THSD7B: variants seen among roughly 807,000 people sequenced by gnomAD.
The protein encoded by THSD7B is thrombospondin type-1 domain-containing protein 7B.
THSD7B carries 138 observed loss-of-function variants against 213.6 expected under a neutral mutation model. The observed-to-expected ratio is 0.65, with a 90% CI of 0.56 to 0.74. THSD7B has a LOEUF of 0.74. Among genes scored for constraint, THSD7B ranks in the 30% least tolerant of loss-of-function variants. THSD7B has a pLI of 0.00. For synonymous variants in THSD7B, 742 were observed against 687.0 expected (o/e 1.08, Z -1.25); for missense variants, 1,931 against 1,991.5 (o/e 0.97, Z 0.58).
chr2:137,448,105 A>T (rs1687576268), intron 14 of THSD7B, among the ~76,000 whole-genome samples: 1 of 152,224 alleles, frequency 6.6e-6, no homozygotes, highest in Non-Finnish European at 1.5e-5. Context: ...AATCAGAGTG[A>T]GAAGAAAACT....
intron 12 of THSD7B, among the ~76,000 whole-genome samples, chr2:137,306,577 C>T (rs1043752665): frequency 1.3e-5 from 2 of 152,040 alleles, no homozygotes; most frequent in East Asian, 3.8e-4. Flanking sequence ...ATTTTTTGCT[C>T]TATACCTAAT....
Position 136,895,540 on chromosome 2 carries a change from T to A in THSD7B, c.139+13223T>A, listed in dbSNP as rs200653565. Among the ~76,000 whole-genome samples, 892 of 144,350 alleles carry A rather than the reference T, an allele frequency of 6.2e-3. 20 individuals are homozygous for A. Among genetic ancestry groups the A allele is most frequent in the East Asian group, 0.033 (144 of 4,330 alleles). 94.7% of individuals were successfully genotyped at this position (144,350 alleles called of 152,430 possible). On this transcript the variant is annotated intron_variant, in intron 2 of 27. Transcript: ENST00000409968. ...TTTTTTTTTTTTTTTTTTTTTTTTT[T>A]ACAGAATTCCATGCTATTACAATAC...
intron 15 of THSD7B, among the ~76,000 whole-genome samples, chr2:137,553,220 C>G (rs1363750529): frequency 6.6e-6 from 1 of 152,122 alleles, no homozygotes; most frequent in Admixed American, 6.6e-5. Flanking sequence ...AGACATCTAC[C>G]TGGGTCTTGA....
intron 2 of THSD7B, among the ~76,000 whole-genome samples, chr2:136,910,249 A>T (rs774795715): frequency 2.6e-5 from 4 of 152,006 alleles, no homozygotes; most frequent in Non-Finnish European, 5.9e-5. Flanking sequence ...TGGAGCCAAG[A>T]GGGAATGAAA....
intron 14 of THSD7B, among the ~76,000 whole-genome samples, chr2:137,415,337 A>G (rs1259996706): frequency 6.6e-6 from 1 of 152,212 alleles, no homozygotes; most frequent in Non-Finnish European, 1.5e-5. Context: ...TGAGTTATCC[A>G]TACTAATGGA....
At chr2:137,466,778 A>G (rs1363026945) in intron 15 of THSD7B, among the ~76,000 whole-genome samples, 2 of 152,162 alleles carry the variant, frequency 1.3e-5, no homozygotes, top group African/African-American at 2.4e-5. Context: ...GCATTACTTC[A>G]TATAGCAAGA....
At chr2:137,034,992 C>G (rs1201167478) in intron 2 of THSD7B, among the ~76,000 whole-genome samples, 4 of 152,128 alleles carry the variant, frequency 2.6e-5, no homozygotes, top group Non-Finnish European at 1.5e-5. Flanking sequence ...ATTTGTGGTT[C>G]TAGATCCCTG....
intron 1 of THSD7B, among the ~76,000 whole-genome samples, chr2:136,815,086 G>C (rs1215272521): frequency 6.6e-6 from 1 of 152,184 alleles, no homozygotes; most frequent in East Asian, 1.9e-4. Context: ...GTGACAGATA[G>C]TATGCTCCAT....
chr2:137,356,604 G>A (rs1685133877), intron 12 of THSD7B, among the ~76,000 whole-genome samples: 1 of 152,140 alleles, frequency 6.6e-6, no homozygotes, highest in Non-Finnish European at 1.5e-5. Flanking sequence ...CATGACACAA[G>A]CCTAGATGTG....
intron 17 of THSD7B, among the ~76,000 whole-genome samples, chr2:137,600,430 A>C (rs1283768497): frequency 6.6e-6 from 1 of 152,192 alleles, no homozygotes; most frequent in Non-Finnish European, 1.5e-5. Flanking sequence ...CCTTCTACTT[A>C]TATATATTTT....
intron 12 of THSD7B, among the ~76,000 whole-genome samples, chr2:137,360,668 A>G (rs1043535390): frequency 2.0e-5 from 3 of 152,144 alleles, no homozygotes; most frequent in African/African-American, 7.2e-5. Flanking sequence ...GGCGTCTGCC[A>G]TTGCTGAGGC....
At chr2:137,350,691 G>C (rs935766284) in intron 12 of THSD7B, among the ~76,000 whole-genome samples, 1 of 151,794 alleles carries the variant, frequency 6.6e-6, no homozygotes, top group Non-Finnish European at 1.5e-5. Flanking sequence ...GATTAAGAGA[G>C]ACCAGGCAGC....
At chr2:137,617,988 AG>A (rs1682439680) in intron 18 of THSD7B, among the ~76,000 whole-genome samples, 1 of 152,194 alleles carries the variant, frequency 6.6e-6, no homozygotes, top group South Asian at 2.1e-4. Context: ...TGAATTTTGC[AG>A]GGGTACACAA....
intron 1 of THSD7B, among the ~76,000 whole-genome samples, chr2:136,784,284 T>C (rs1681798662): frequency 6.6e-6 from 1 of 152,200 alleles, no homozygotes; most frequent in African/African-American, 2.4e-5. Context: ...CAAATAACAA[T>C]TTTGAGCACA....
chr2:137,404,726 G>T (rs1334971011), intron 12 of THSD7B, among the ~76,000 whole-genome samples: 1 of 151,698 alleles, frequency 6.6e-6, no homozygotes. Flanking sequence ...GAGATTAGAG[G>T]CCATTATTCT....
chr2:137,559,288 G>A (rs1441902138), intron 15 of THSD7B, among the ~76,000 whole-genome samples: 3 of 152,132 alleles, frequency 2.0e-5, no homozygotes, highest in African/African-American at 7.2e-5. Flanking sequence ...AAAGCTGGAG[G>A]CATCACGCTA....
At chr2:137,145,555 G>A (rs942479465) in intron 5 of THSD7B, among the ~76,000 whole-genome samples, 2 of 152,018 alleles carry the variant, frequency 1.3e-5, no homozygotes, top group Admixed American at 1.3e-4. Context: ...AGCTGCCAGA[G>A]GTAGGAATAT....
chr2:136,961,744 TG>T (rs748770966), intron 2 of THSD7B, among the ~76,000 whole-genome samples: 3 of 152,132 alleles, frequency 2.0e-5, no homozygotes, highest in Admixed American at 1.3e-4. Context: ...AACGGAGGAA[TG>T]TGGTGGTCTC....
At chr2:137,178,001 G>A (rs1680390069) in intron 7 of THSD7B, among the ~76,000 whole-genome samples, 1 of 151,008 alleles carries the variant, frequency 6.6e-6, no homozygotes, top group Non-Finnish European at 1.5e-5. Context: ...AACCTGGGAG[G>A]CGGAGGTTGC....
Sources: allele counts gnomAD v4.1 joint callset (sites outside exome capture counted in the v4.1 genomes callset), GRCh38; gene constraint gnomAD v4.1.1; transcripts MANE v1.5; gene names NCBI Gene and HGNC (gene_info 2026-07-23, HGNC 2026-07-21).